The following COL14A1 variants were observed in gnomAD, a reference collection of about 807,000 sequenced individuals.
The protein encoded by COL14A1 is collagen alpha-1(XIV) chain.
COL14A1 carries 136 observed loss-of-function variants against 230.3 expected under a neutral mutation model. The ratio of observed to expected loss-of-function variants is 0.59; its 90% CI spans 0.51 to 0.68. The LOEUF (loss-of-function observed/expected upper bound fraction) is 0.68. Ranked by LOEUF, COL14A1 falls within the 30% of genes least tolerant of loss-of-function variation. The pLI, the probability that COL14A1 is intolerant of heterozygous loss-of-function variation, is 0.00. For synonymous variants in COL14A1, 792 were observed against 784.1 expected, an observed-to-expected ratio of 1.01 and a Z score of -0.17; for missense variants, 1,976 against 2,215.8, an observed-to-expected ratio of 0.89 and a Z score of 2.17.
At chr8:120,201,128 A>C (rs1449988540) in intron 8 of COL14A1, among the ~76,000 whole-genome samples, 2 of 152,108 alleles carry the variant, frequency 1.3e-5, no homozygotes, top group Non-Finnish European at 2.9e-5. Context: ...ATTATTATTC[A>C]AGTAAGTGAT....
intron 45 of COL14A1, among the ~76,000 whole-genome samples, chr8:120,365,799 G>A (rs1218801679): frequency 4.6e-5 from 7 of 152,188 alleles, no homozygotes; most frequent in African/African-American, 1.7e-4. Context: ...CTGGTCTTTT[G>A]TAAGCTCAGA....
intron 25 of COL14A1, among the ~76,000 whole-genome samples, chr8:120,268,867 T>G (rs558420482): frequency 6.6e-6 from 1 of 151,742 alleles, no homozygotes; most frequent in African/African-American, 2.4e-5. Flanking sequence ...TTCATTTTTA[T>G]CTTTCCATGG....
chr8:120,242,463 TG>T lies in COL14A1; in HGVS notation c.2350-1414del, dbSNP rs1818634025. On this transcript the variant is annotated intron_variant, in intron 19 of 47. Coordinates refer to ENST00000297848, the MANE Select transcript of COL14A1 (RefSeq NM_021110.4). Reference sequence around the variant, plus strand: ...AGACATTATTTAACATCAACATGGGTGGTTTGTTAGATGGACAAATTGAAAT... The same window carrying T: ...AGACATTATTTAACATCAACATGGGTGTTTGTTAGATGGACAAATTGAAAT... Among the ~76,000 whole-genome samples the T allele has an allele frequency of 2.0e-5, 3 of 152,248 alleles. No individual in the cohort carries two copies. The East Asian group carries it at 5.8e-4, about 29-fold the overall frequency.
chr8:120,128,106 ACTT>A (rs1316845210), intron 1 of COL14A1, among the ~76,000 whole-genome samples: 2 of 152,028 alleles, frequency 1.3e-5, no homozygotes, highest in Non-Finnish European at 2.9e-5. Flanking sequence ...ATTCTCCTTG[ACTT>A]CTTCTGTGAG....
At chr8:120,306,556 A>G (rs1820864436) in intron 36 of COL14A1, among the ~76,000 whole-genome samples, 1 of 152,192 alleles carries the variant, frequency 6.6e-6, no homozygotes, top group Non-Finnish European at 1.5e-5. Context: ...CAGTAGTATG[A>G]CGTATCAATA....
At chr8:120,239,000 C>T (rs560611907) in intron 19 of COL14A1, among the ~76,000 whole-genome samples, 7 of 152,290 alleles carry the variant, frequency 4.6e-5, no homozygotes, top group Non-Finnish European at 8.8e-5. Context: ...AGAAATCACC[C>T]GCCTTCTGCA....
intron 22 of COL14A1, among the ~76,000 whole-genome samples, chr8:120,251,740 T>G (rs766361352): frequency 1.8e-4 from 27 of 152,128 alleles, no homozygotes; most frequent in Non-Finnish European, 3.7e-4. Context: ...TTTAATATAT[T>G]AAAAAATATT....
chr8:120,134,167 G>T (rs776902087), intron 1 of COL14A1, among the ~76,000 whole-genome samples: 1 of 151,820 alleles, frequency 6.6e-6, no homozygotes, highest in African/African-American at 2.4e-5. Flanking sequence ...AAAAAAGGTC[G>T]ATCTACCTAA....
Position 120,225,194 on chromosome 8 carries a change from T to TATGATGAAG in COL14A1, c.1844_1845insATGATGAAG (p.Leu615_Thr616insTer), listed in dbSNP as rs779662041. The TATGATGAAG allele has an allele frequency of 3.1e-6, 5 of 1,612,312 alleles. No individual in the cohort carries two copies. The highest frequency in any genetic ancestry group is 4.2e-6 in the Non-Finnish European group (5 of 1,179,530). On this transcript the variant is annotated stop_gained and inframe_insertion, in exon 15 of 48. Transcript: ENST00000297848. LOFTEE classifies it high-confidence loss of function. ...TATGATGAAGGACAGTCAGAGCCTC[T>TATGATGAAG]GACTGGAGTTTTTACCACCGGTAAG...
chr8:120,145,480 G>A (rs1030227004), intron 1 of COL14A1, among the ~76,000 whole-genome samples: 1 of 152,092 alleles, frequency 6.6e-6, no homozygotes, highest in Non-Finnish European at 1.5e-5. Flanking sequence ...TTAGCCGGGC[G>A]TAGTGGCACG....
intron 1 of COL14A1, among the ~76,000 whole-genome samples, chr8:120,142,653 T>C (rs1168494941): frequency 6.6e-6 from 1 of 152,224 alleles, no homozygotes; most frequent in East Asian, 1.9e-4. Context: ...CTTTACTAAT[T>C]AGCATTTTGG....
In COL14A1 at chr8:120,318,460, G is replaced by C. The variant is rs116645095; in HGVS notation, c.4659+2463G>C. On this transcript the variant is annotated intron_variant, in intron 40 of 47. Coordinates refer to ENST00000297848, the MANE Select transcript of COL14A1 (RefSeq NM_021110.4). Reference sequence around the variant, plus strand: ...ACGGCTATTTAGGTGGCTCTGATCTGTTCAGTCAACTGATCTGAGGGCTTA... The same window carrying C: ...ACGGCTATTTAGGTGGCTCTGATCTCTTCAGTCAACTGATCTGAGGGCTTA... Among the ~76,000 whole-genome samples the C allele has an allele frequency of 3.5e-3, 533 of 152,270 alleles. 2 individuals are homozygous for C. Among genetic ancestry groups the C allele is most frequent in the African/African-American group, 0.012 (502 of 41,558 alleles).
chr8:120,155,179 T>G (rs1815427872), intron 2 of COL14A1, among the ~76,000 whole-genome samples: 1 of 152,224 alleles, frequency 6.6e-6, no homozygotes, highest in South Asian at 2.1e-4. Context: ...AATAATGATA[T>G]TGTTTTTGGC....
intron 23 of COL14A1, among the ~76,000 whole-genome samples, chr8:120,258,850 C>T (rs1180969614): frequency 1.3e-5 from 2 of 152,044 alleles, no homozygotes; most frequent in African/African-American, 2.4e-5. Flanking sequence ...GATTTTATCC[C>T]TCTCTCCAGC....
chr8:120,277,315 T>C (rs1819885973), intron 26 of COL14A1, among the ~76,000 whole-genome samples: 2 of 152,278 alleles, frequency 1.3e-5, no homozygotes, highest in Admixed American at 6.5e-5. Flanking sequence ...TAAGGAAATC[T>C]TTGTAAAGAG....
At chr8:120,177,575 G>A (rs1223540748) in intron 5 of COL14A1, among the ~76,000 whole-genome samples, 1 of 150,348 alleles carries the variant, frequency 6.7e-6, no homozygotes, top group Non-Finnish European at 1.5e-5. Flanking sequence ...CTTGAACCTG[G>A]GAGGTGGAAG....
intron 19 of COL14A1, among the ~76,000 whole-genome samples, chr8:120,232,846 C>T (rs186776448): frequency 3.5e-4 from 54 of 152,302 alleles, no homozygotes; most frequent in Middle Eastern, 3.4e-3. Flanking sequence ...GCTACACTGC[C>T]TTCCACAATG....
intron 17 of COL14A1, among the ~76,000 whole-genome samples, chr8:120,228,204 G>A (rs1377561749): frequency 6.6e-6 from 1 of 152,172 alleles, no homozygotes; most frequent in African/African-American, 2.4e-5. Context: ...CCAGCACCAA[G>A]TGGATTGGTG....
intron 3 of COL14A1, 147 bp from the exon 4 acceptor site, chr8:120,162,279 T>A (rs1189467267): frequency 3.5e-6 from 2 of 571,910 alleles, no homozygotes; most frequent in Non-Finnish European, 5.8e-6. Flanking sequence ...ACACTCTAAA[T>A]ATATACACTT....
Sources: gnomAD v4.1 joint callset for allele counts (sites outside exome capture counted in the v4.1 genomes callset) on GRCh38, gnomAD v4.1.1 for gene constraint, MANE v1.5 for transcripts, NCBI Gene and HGNC (gene_info 2026-07-23, HGNC 2026-07-21) for gene names.